Variants in RBM26 observed in about 807,000 individuals in gnomAD.
RBM26 encodes the protein RNA-binding protein 26.
RBM26 carries 30 observed loss-of-function variants against 123.6 expected under a neutral mutation model. The ratio of observed to expected loss-of-function variants is 0.24; its 90% CI spans 0.18 to 0.33. The LOEUF (loss-of-function observed/expected upper bound fraction) is 0.33, where lower values mean the gene tolerates loss of function less well. Among genes scored for constraint, RBM26 ranks in the 10% least tolerant of loss-of-function variants. The probability of loss-of-function intolerance (pLI) is 1.00; values close to 1 mark genes in which losing one functional copy is unlikely to be tolerated. For missense variants in RBM26, 947 were observed against 1,203.6 expected, an observed-to-expected ratio of 0.79 and a Z score of 3.15; for synonymous variants, 400 against 404.4, an observed-to-expected ratio of 0.99 and a Z score of 0.13.
downstream of RBM26, among the ~76,000 whole-genome samples, chr13:79,316,975 G>C (rs1246022502): frequency 6.6e-6 from 1 of 151,402 alleles, no homozygotes; most frequent in Non-Finnish European, 1.5e-5. Flanking sequence ...GTAGCATATT[G>C]GTTTGTTTTT....
At chr13:79,383,715 A>T (rs573748235) in intron 1 of RBM26, among the ~76,000 whole-genome samples, 1 of 152,314 alleles carries the variant, frequency 6.6e-6, no homozygotes, top group African/African-American at 2.4e-5. Context: ...ATACGTTTAT[A>T]GTATGTATTG....
At chr13:79,360,123 T>G (rs895738357) in intron 9 of RBM26, among the ~76,000 whole-genome samples, 4 of 152,104 alleles carry the variant, frequency 2.6e-5, no homozygotes, top group Non-Finnish European at 5.9e-5. Flanking sequence ...TTATAGTATA[T>G]TGTTATAATT....
downstream of RBM26, chr13:79,313,873 C>CCAA (rs2066972670): frequency 7.8e-6 from 1 of 128,462 alleles, no homozygotes; most frequent in Non-Finnish European, 1.7e-5. Flanking sequence ...AGCTTTGCAC[C>CCAA]AAAAAAAAAA....
At chr13:79,365,222 C>T (rs2139842743) in intron 9 of RBM26, among the ~76,000 whole-genome samples, 1 of 152,264 alleles carries the variant, frequency 6.6e-6, no homozygotes, top group African/African-American at 2.4e-5. Context: ...GCGGGCGGAT[C>T]ACTTGAGGTC....
chr13:79,402,115 A>G (rs191660870), intron 1 of RBM26, among the ~76,000 whole-genome samples: 316 of 151,912 alleles, frequency 2.1e-3, no homozygotes, highest in African/African-American at 7.2e-3. Context: ...TGTTTGTTTA[A>G]AAGTTTACTA....
At chr13:79,370,889 A>T (rs941155961) in intron 5 of RBM26, 56 bp downstream of exon 5, 3 of 1,526,036 alleles carry the variant, frequency 2.0e-6, no homozygotes, top group South Asian at 2.4e-5. Context: ...AGCAATTTTT[A>T]AAAACATTTA....
chr13:79,362,279 T>A (rs1364981222), intron 9 of RBM26, among the ~76,000 whole-genome samples: 1 of 152,196 alleles, frequency 6.6e-6, no homozygotes, highest in Non-Finnish European at 1.5e-5. Flanking sequence ...ATCCACTTAT[T>A]ACCCCTATTC....
In RBM26 at chr13:79,344,266, C is replaced by T. The variant is rs1207775807; in HGVS notation, c.2241G>A (p.Lys747=). The T allele has an allele frequency of 2.5e-6, 4 of 1,609,280 alleles. No homozygotes were observed. In the South Asian group the frequency reaches 4.4e-5, roughly 18 times the overall value. Residue 747 remains lysine, a synonymous_variant, in exon 16 of 22, where the codon AAG becomes AAA. Coordinates refer to ENST00000438737, the MANE Select transcript of RBM26 (RefSeq NM_001366735.2). ...ATTTTACCTTCTGTGTTTCAATGTG[C>T]TTTTCTAAAATTTCTTGTTTCCTTT... The part of the protein sequence containing the change: ...VRKRKQEILE[K]HIETQKMLIS...
At chr13:79,365,552 C>G in intron 9 of RBM26, 26 bp downstream of exon 9, 1 of 1,579,278 alleles carries the variant, frequency 6.3e-7, no homozygotes, top group South Asian at 1.1e-5. Flanking sequence ...ATGAAAATGA[C>G]AGGAAGGAAA....
intron 1 of RBM26, among the ~76,000 whole-genome samples, chr13:79,403,498 T>C (rs541588362): frequency 2.8e-4 from 43 of 152,330 alleles, no homozygotes; most frequent in African/African-American, 1.0e-3. Context: ...AATATGAAAC[T>C]GAACGCTTAA....
chr13:79,346,126 G>A (rs2072286628), intron 14 of RBM26, among the ~76,000 whole-genome samples: 1 of 152,080 alleles, frequency 6.6e-6, no homozygotes, highest in South Asian at 2.1e-4. Flanking sequence ...TGAGAAAAGT[G>A]GCCCTATTTT....
intron 18 of RBM26, among the ~76,000 whole-genome samples, chr13:79,340,398 A>C (rs929405907): frequency 6.6e-6 from 1 of 152,104 alleles, no homozygotes; most frequent in Non-Finnish European, 1.5e-5. Context: ...GTTGCCAACA[A>C]GTTAAGAAAA....
At position 79,358,390 on chromosome 13, in the gene RBM26, CCTT is replaced by C. The variant is rs1294395241; in HGVS notation, c.1570_1572del (p.Lys524del). 44 of 1,611,418 alleles carry C rather than the reference CCTT, an allele frequency of 2.7e-5. No homozygotes were observed. Among genetic ancestry groups the C allele is most frequent in the Non-Finnish European group, 3.7e-5 (44 of 1,179,292 alleles). ...TTGGTATTTTCATTTCCAAATTGAA[CCTT>C]CTTCTGAAAGCCTGGGCTGTTTGTT... On this transcript the variant is annotated inframe_deletion, in exon 11 of 22. Transcript: ENST00000438737.
At chr13:79,358,990 C>T (rs1252889646) in intron 10 of RBM26, among the ~76,000 whole-genome samples, 1 of 152,178 alleles carries the variant, frequency 6.6e-6, no homozygotes, top group Non-Finnish European at 1.5e-5. Flanking sequence ...GAATTAATCA[C>T]AAACAACTAG....
At chr13:79,312,463 A>G (rs1020775142) in exon 5 of RBM26, 5 of 152,070 alleles carry the variant, frequency 3.3e-5, no homozygotes, top group Admixed American at 3.3e-4. Flanking sequence ...ACAATGCAAT[A>G]ATACTTCTCT....
intron 1 of RBM26, among the ~76,000 whole-genome samples, chr13:79,404,239 T>G (rs926555531): frequency 1.3e-5 from 2 of 152,192 alleles, no homozygotes; most frequent in African/African-American, 4.8e-5. Context: ...TATCACCCAT[T>G]CTGTTGCTTG....
At chr13:79,353,311 T>TACCA (rs1291843233) in intron 13 of RBM26, 87 bp from the exon 14 acceptor site, 1 of 753,180 alleles carries the variant, frequency 1.3e-6, no homozygotes, top group Non-Finnish European at 2.2e-6. Flanking sequence ...TCTACTAATA[T>TACCA]ATACAGAGTC....
chr13:79,360,959 C>G (rs2074606349), intron 9 of RBM26, among the ~76,000 whole-genome samples: 1 of 152,032 alleles, frequency 6.6e-6, no homozygotes, highest in Non-Finnish European at 1.5e-5. Context: ...TTCTAAACAC[C>G]TAACTAACCA....
At chr13:79,334,750 C>G (rs1414026201) in intron 19 of RBM26, among the ~76,000 whole-genome samples, 1 of 152,114 alleles carries the variant, frequency 6.6e-6, no homozygotes, top group African/African-American at 2.4e-5. Flanking sequence ...CTTATACTCA[C>G]TAAACCAATC....
Sources: gnomAD v4.1 joint callset for allele counts (sites outside exome capture counted in the v4.1 genomes callset) on GRCh38, gnomAD v4.1.1 for gene constraint, MANE v1.5 for transcripts, NCBI Gene and HGNC (gene_info 2026-07-23, HGNC 2026-07-21) for gene names.